The following OR52B4 variants were observed in gnomAD, a reference collection of about 807,000 sequenced individuals.
OR52B4 encodes olfactory receptor family 52 subfamily B member 4.
For synonymous variants in OR52B4, 182 were observed against 142.3 expected (o/e 1.28, Z -1.98); for missense variants, 450 against 387.0 (o/e 1.16, Z -1.36).
rs1244164196 is a variant in OR52B4 at position 4,367,344 on chromosome 11, A to G, written c.*7T>C. On this transcript the variant is annotated 3_prime_UTR_variant, in exon 1 of 1. Coordinates refer to ENST00000624801, the MANE Select transcript of OR52B4 (RefSeq NM_001005161.3). ...GAGATTCTGAAAACTCAGTTCTTAA[A>G]CCAAAGTTATTTCTGTTTTATAAAC... The G allele has an allele frequency of 6.3e-7, 1 of 1,584,842 alleles. No homozygotes were observed. The highest frequency in any genetic ancestry group is 8.6e-7 in the Non-Finnish European group (1 of 1,158,986).
chr11:4,367,722 TA>T lies in OR52B4; in HGVS notation c.573del (p.Cys191Ter), dbSNP rs759280107. On this transcript the variant is annotated frameshift_variant, in exon 1 of 1. Transcript: ENST00000624801. LOFTEE classifies it low-confidence loss of function (END_TRUNC). ...CEHIGLAKYACNDIRINIWYG... is the reference protein window; with the variant it reads ...CEHIGLAKYAXNDIRINIWYG... ...TACCAAATGTTTATTCGAATGTCAT[TA>T]CATGCATATTTGGCTAGGCCAATGT... The T allele has an allele frequency of 1.2e-6, 2 of 1,613,718 alleles. No individual in the cohort carries two copies. The highest frequency in any genetic ancestry group is 2.7e-5 in the African/African-American group (2 of 74,922).
chr11:4,367,296 C>T lies in OR52B4; in HGVS notation c.*55G>A, dbSNP rs35846796. On this transcript the variant is annotated 3_prime_UTR_variant, in exon 1 of 1. Coordinates refer to ENST00000624801, the MANE Select transcript of OR52B4 (RefSeq NM_001005161.3). ...GCTGACCTCTCCCATCTACCACTTT[C>T]ATACCCACTTACCAGATAGCTAGAG... 1 of 1,158,348 alleles carries T rather than the reference C, an allele frequency of 8.6e-7. No homozygotes were observed. Among genetic ancestry groups the T allele is most frequent in the Non-Finnish European group, 1.3e-6 (1 of 799,820 alleles). 71.8% of individuals were successfully genotyped at this position (1,158,348 alleles called of 1,614,324 possible).
Position 4,368,003 on chromosome 11 carries a change from C to T in OR52B4, c.293G>A (p.Arg98His), listed in dbSNP as rs200795232. The T allele has an allele frequency of 5.2e-5, 84 of 1,613,852 alleles. No individual in the cohort carries two copies. Among genetic ancestry groups the T allele is most frequent in the East Asian group, 6.7e-5 (3 of 44,882 alleles). ...WFRAGDISLD[R>H]CITQLFFIHS... is the part of the protein sequence containing the mutation. ...GATGAAGAAGAGCTGAGTGATGCAA[C>T]GATCCAGGGAGATGTCCCCAGCACG... The change falls in exon 1 of 1, where the codon CGT (arginine) becomes CAT (histidine). Residue 98 changes from arginine to histidine, a missense_variant. Physicochemically the swap from Arg to His is conservative, Grantham distance 29. Transcript: ENST00000624801.
Position 4,367,493 on chromosome 11 carries a change from C to T in OR52B4, c.803G>A (p.Arg268His), listed in dbSNP as rs773531327. Reference sequence around the variant, plus strand: ...GATGTGGATACAAGGTGGAATGTGGCGTCCAAACCTCTGGGTAAGGATTGT... The same window carrying T: ...GATGTGGATACAAGGTGGAATGTGGTGTCCAAACCTCTGGGTAAGGATTGT... ...IFTILTQRFGRHIPPCIHIPL... is the reference protein window; with the variant it reads ...IFTILTQRFGHHIPPCIHIPL... The change falls in exon 1 of 1, where the codon CGC (arginine) becomes CAC (histidine). Residue 268 changes from arginine to histidine, a missense_variant. Physicochemically the swap from Arg to His is conservative, Grantham distance 29. Coordinates refer to ENST00000624801, the MANE Select transcript of OR52B4 (RefSeq NM_001005161.3). 10 of 1,613,716 alleles carry T rather than the reference C, an allele frequency of 6.2e-6. No homozygotes were observed. The highest frequency in any genetic ancestry group is 2.2e-5 in the South Asian group (2 of 91,062).
rs367923959 is a variant in OR52B4 at position 4,368,028 on chromosome 11, G to A, written c.268C>T (p.Arg90Cys). 138 of 1,613,908 alleles carry A rather than the reference G, an allele frequency of 8.6e-5. No individual in the cohort carries two copies. The highest frequency in any genetic ancestry group is 1.6e-4 in the Middle Eastern group (1 of 6,082). Residue 90 changes from arginine (R) to cysteine (C), a missense_variant, in exon 1 of 1, where the codon CGT becomes TGT. By Grantham distance (180) the Arg-to-Cys change is radical. Coordinates refer to ENST00000624801, the MANE Select transcript of OR52B4 (RefSeq NM_001005161.3). ...CGATCCAGGGAGATGTCCCCAGCAC[G>A]GAACCAGAAGATAGCTAAGGCCTGA... ...IPQALAIFWF[R>C]AGDISLDRCI...
rs1411651341 is a variant in OR52B4, at chr11:4,368,302, G to A, written c.-7C>T. The A allele has an allele frequency of 2.6e-6, 4 of 1,559,226 alleles. No homozygotes were observed. Among genetic ancestry groups the A allele is most frequent in the Non-Finnish European group, 8.8e-7 (1 of 1,137,976 alleles). On this transcript the variant is annotated 5_prime_UTR_variant, in exon 1 of 1. Coordinates refer to ENST00000624801, the MANE Select transcript of OR52B4 (RefSeq NM_001005161.3). ...TGTGGTTTACAGTAGGCATAGCTGG[G>A]GAGAACTTTCAGAACCTCACCTCCT... is the stretch of plus-strand genomic sequence containing the variant.
chr11:4,367,748 T>A lies in OR52B4; in HGVS notation c.548A>T (p.His183Leu). The A allele has an allele frequency of 6.2e-7, 1 of 1,613,942 alleles. No individual in the cohort carries two copies. Among genetic ancestry groups the A allele is most frequent in the Non-Finnish European group, 8.5e-7 (1 of 1,179,894 alleles). Residue 183 changes from histidine (H) to leucine (L), a missense_variant, in exon 1 of 1, where the codon CAC (histidine) becomes CTC (leucine). Transcript: ENST00000624801. ...ACATGCATATTTGGCTAGGCCAATG[T>A]GTTCACAAAAGGTGTGTGGAATAAT... ...NNIIPHTFCE[H>L]IGLAKYACND...
Position 4,367,703 on chromosome 11 carries a change from AT to A in OR52B4, c.592del (p.Ile198PhefsTer8). On this transcript the variant is annotated frameshift_variant, in exon 1 of 1. Coordinates refer to ENST00000624801, the MANE Select transcript of OR52B4 (RefSeq NM_001005161.3). LOFTEE classifies it low-confidence loss of function (END_TRUNC). ...KYACNDIRIN[I>X]WYGFSILMST... ...CATTAGAATGGAAAACCCATACCAAATGTTTATTCGAATGTCATTACATGCA... is the reference window on the plus strand; with the variant it reads ...CATTAGAATGGAAAACCCATACCAAAGTTTATTCGAATGTCATTACATGCA... 6.2e-7 allele frequency: 1 copy of A among 1,613,756 alleles called. No homozygotes were observed. The highest frequency in any genetic ancestry group is 8.5e-7 in the Non-Finnish European group (1 of 1,179,712).
At position 4,367,615 on chromosome 11, in the gene OR52B4, G is replaced by C; in HGVS notation, c.681C>G (p.Val227=). 2 of 1,614,034 alleles carry C rather than the reference G, an allele frequency of 1.2e-6. No homozygotes were observed. ...AAGCATCTGGAGAAGGCATGTGGAA[G>C]ACAGCATGGAGAATCAGCATATAGG... The part of the protein sequence containing the change: ...FISYMLILHA[V]FHMPSPDACH... The change falls in exon 1 of 1, where the codon GTC becomes GTG. Residue 227 remains valine (V), a synonymous_variant. Coordinates refer to ENST00000624801, the MANE Select transcript of OR52B4 (RefSeq NM_001005161.3).
At position 4,367,964 on chromosome 11, in the gene OR52B4, A is replaced by T; in HGVS notation, c.332T>A (p.Ile111Asn). The T allele has an allele frequency of 6.2e-7, 1 of 1,613,950 alleles. No individual in the cohort carries two copies. Among genetic ancestry groups the T allele is most frequent in the Non-Finnish European group, 8.5e-7 (1 of 1,179,974 alleles). Reference sequence around the variant, plus strand: ...CACCAGCAAGATCCCTGACTCAGAGATGAAGGTGGAATGGATGAAGAAGAG... The same window carrying T: ...CACCAGCAAGATCCCTGACTCAGAGTTGAAGGTGGAATGGATGAAGAAGAG... ...TQLFFIHSTF[I>N]SESGILLVMA... Residue 111 changes from isoleucine to asparagine, a missense_variant, in exon 1 of 1, where the codon ATC becomes AAC. By Grantham distance (149) the Ile-to-Asn change is moderately radical. Transcript: ENST00000624801.
In OR52B4 at chr11:4,367,673, G is replaced by A. The variant is rs767367023; in HGVS notation, c.623C>T (p.Thr208Met). The A allele has an allele frequency of 2.8e-5, 45 of 1,613,724 alleles. No individual in the cohort carries two copies. Among genetic ancestry groups the A allele is most frequent in the South Asian group, 1.9e-4 (17 of 91,070 alleles). ...IWYGFSILMS[T>M]VVLDVVLIFI... Reference sequence around the variant, plus strand: ...AATTAGTACAACATCTAAGACCACCGTCGACATTAGAATGGAAAACCCATA... The same window carrying A: ...AATTAGTACAACATCTAAGACCACCATCGACATTAGAATGGAAAACCCATA... The change falls in exon 1 of 1, where the codon ACG (threonine) becomes ATG (methionine). Residue 208 changes from threonine to methionine, a missense_variant. By Grantham distance (81) the Thr-to-Met change is moderately conservative (BLOSUM62 -1). Transcript: ENST00000624801.
Position 4,368,071 on chromosome 11 carries a change from G to A in OR52B4, c.225C>T (p.Leu75=), listed in dbSNP as rs764484584. The A allele has an allele frequency of 6.2e-7, 1 of 1,614,012 alleles. No individual in the cohort carries two copies. The highest frequency in any genetic ancestry group is 1.1e-5 in the South Asian group (1 of 91,082). ...AGGCCTGAGGAATGGTGCACGTGGA[G>A]AGGACAATGTCTGCTCCAGCCAGCA... ...LCMLAGADIV[L]STCTIPQALA... The change falls in exon 1 of 1, where the codon CTC becomes CTT. Residue 75 remains leucine (L), a synonymous_variant. Coordinates refer to ENST00000624801, the MANE Select transcript of OR52B4 (RefSeq NM_001005161.3).
Position 4,368,343 on chromosome 11 carries a change from A to G in OR52B4, c.-48T>C, listed in dbSNP as rs777450150. ...CTCACCTCCTACTCACAGAGGTAGA[A>G]GAAGATAAAATCTGCAACATTCTTT... is the stretch of plus-strand genomic sequence containing the variant. On this transcript the variant is annotated 5_prime_UTR_variant, in exon 1 of 1. Coordinates refer to ENST00000624801, the MANE Select transcript of OR52B4 (RefSeq NM_001005161.3). The G allele has an allele frequency of 1.0e-5, 10 of 1,001,138 alleles. No homozygotes were observed. The East Asian group carries it at 2.4e-4, about 25-fold the overall frequency. The allele number at this position is 1,001,138 out of a possible 1,614,324, so 62.0% of individuals were successfully genotyped here.
rs777905868 is a variant in OR52B4 at position 4,367,955 on chromosome 11, G to T, written c.341C>A (p.Ser114Ter). 3.1e-6 allele frequency: 5 copies of T among 1,613,836 alleles called. No homozygotes were observed. In the East Asian group the frequency reaches 1.1e-4, roughly 36 times the overall value. The change falls in exon 1 of 1, where the codon TCA becomes TAA. Residue 114 changes from serine (S) to a stop codon, truncating the protein, a stop_gained. Transcript: ENST00000624801. LOFTEE classifies it low-confidence loss of function (END_TRUNC). ...FFIHSTFISESGILLVMAFDH... is the reference protein window; with the variant it reads ...FFIHSTFISE ...AAAGGCCATCACCAGCAAGATCCCT[G>T]ACTCAGAGATGAAGGTGGAATGGAT...
At position 4,368,346 on chromosome 11, in the gene OR52B4, AGAT is replaced by A. The variant is rs1432296244; in HGVS notation, c.-54_-52del. The A allele has an allele frequency of 2.1e-6, 2 of 974,688 alleles. No homozygotes were observed. The highest frequency in any genetic ancestry group is 3.1e-6 in the Non-Finnish European group (2 of 639,304). 60.4% of individuals were successfully genotyped at this position (974,688 alleles called of 1,614,324 possible). A position where few individuals can be genotyped will look rare whatever the true frequency, so the allele number is the denominator to read the frequency against. On this transcript the variant is annotated 5_prime_UTR_variant, in exon 1 of 1. Coordinates refer to ENST00000624801, the MANE Select transcript of OR52B4 (RefSeq NM_001005161.3). ...ACCTCCTACTCACAGAGGTAGAAGA[AGAT>A]AAAATCTGCAACATTCTTTGCGATG...
At position 4,367,844 on chromosome 11, in the gene OR52B4, G is replaced by C. The variant is rs1456259381; in HGVS notation, c.452C>G (p.Ser151Cys). 9 of 1,613,818 alleles carry C rather than the reference G, an allele frequency of 5.6e-6. No individual in the cohort carries two copies. Among genetic ancestry groups the C allele is most frequent in the Non-Finnish European group, 6.8e-6 (8 of 1,179,862 alleles). The change falls in exon 1 of 1, where the codon TCT (serine) becomes TGT (cysteine). Residue 151 changes from serine (S) to cysteine (C), a missense_variant. Coordinates refer to ENST00000624801, the MANE Select transcript of OR52B4 (RefSeq NM_001005161.3). ...GAAAATTGTACCATAACTTCTCAGA[G>C]AGACAGTCACACAAATTTTCTTGAT... is the stretch of plus-strand genomic sequence containing the variant. ...ALIKKICVTV[S>C]LRSYGTIFPI...
Position 4,367,650 on chromosome 11 carries a change from T to C in OR52B4, c.646A>G (p.Ile216Val). ...MSTVVLDVVL[I>V]FISYMLILHA... ...AGAATCAGCATATAGGAAATAAAAA[T>C]TAGTACAACATCTAAGACCACCGTC... The change falls in exon 1 of 1, where the codon ATT (isoleucine) becomes GTT (valine). Residue 216 changes from isoleucine (I) to valine (V), a missense_variant. Transcript: ENST00000624801. 1 of 1,613,950 alleles carries C rather than the reference T, an allele frequency of 6.2e-7. No individual in the cohort carries two copies.
Position 4,367,544 on chromosome 11 carries a change from A to T in OR52B4, c.752T>A (p.Ile251Asn). The part of the protein sequence containing the change: ...NTFGSHVCII[I>N]LFYGSGIFTI... ...GAAGATGCCAGACCCATAAAAGAGG[A>T]TGATGATGCAGACATGGGAGCCAAA... Residue 251 changes from isoleucine to asparagine, a missense_variant, in exon 1 of 1, where the codon ATC becomes AAC. Transcript: ENST00000624801. 6.2e-7 allele frequency: 1 copy of T among 1,614,048 alleles called. No homozygotes were observed. The highest frequency in any genetic ancestry group is 8.5e-7 in the Non-Finnish European group (1 of 1,179,946).
At position 4,367,404 on chromosome 11, in the gene OR52B4, T is replaced by G. The variant is rs774874228; in HGVS notation, c.892A>C (p.Thr298Pro). ...MLNPIIYGIKTKQIQEQVVQF... is the reference protein window; with the variant it reads ...MLNPIIYGIKPKQIQEQVVQF... ...ACCACCTGTTCCTGGATTTGCTTGGTTTTGATCCCATAAATAATGGGATTC... is the reference window on the plus strand; with the variant it reads ...ACCACCTGTTCCTGGATTTGCTTGGGTTTGATCCCATAAATAATGGGATTC... The change falls in exon 1 of 1, where the codon ACC becomes CCC. Residue 298 changes from threonine to proline, a missense_variant. By Grantham distance (38) the Thr-to-Pro change is conservative (BLOSUM62 -1). Coordinates refer to ENST00000624801, the MANE Select transcript of OR52B4 (RefSeq NM_001005161.3). 26 of 1,613,250 alleles carry G rather than the reference T, an allele frequency of 1.6e-5. No homozygotes were observed. In the African/African-American group the frequency reaches 3.3e-4, roughly 21 times the overall value.
Sources: allele counts gnomAD v4.1 joint callset, GRCh38; gene constraint gnomAD v4.1.1; transcripts MANE v1.5; gene names NCBI Gene and HGNC (gene_info 2026-07-23, HGNC 2026-07-21).